The following GABRA2 variants were observed in gnomAD, a reference collection of about 807,000 sequenced individuals.
The protein encoded by GABRA2 is gamma-aminobutyric acid receptor subunit alpha-2.
In GABRA2, 16 loss-of-function variants were observed where a neutral mutation model predicts 48.7. The observed-to-expected ratio is 0.33, with a 90% CI of 0.22 to 0.50. The LOEUF is 0.50. Among genes scored for constraint, GABRA2 ranks in the 20% least tolerant of loss-of-function variants. The pLI is 0.98. For synonymous variants in GABRA2, 185 were observed against 184.5 expected, an observed-to-expected ratio of 1.00 and a Z score of -0.02; for missense variants, 275 against 535.6, an observed-to-expected ratio of 0.51 and a Z score of 4.80.
intron 2 of GABRA2, among the ~76,000 whole-genome samples, chr4:46,387,946 T>C (rs1397892699): frequency 6.6e-6 from 1 of 152,116 alleles, no homozygotes; most frequent in East Asian, 1.9e-4. Flanking sequence ...ATCAGGAAAG[T>C]CTACAAAATA....
rs1714197050 is a variant in GABRA2 at position 46,248,935 on chromosome 4, T to G, written c.*1373A>C. The stretch of plus-strand genomic sequence containing the variant: ...ACTTTTATTAGCATATTTCGGGGCA[T>G]AAATAATATTTTAAGATATTAAAAG... On this transcript the variant is annotated 3_prime_UTR_variant, in exon 10 of 10. Transcript: ENST00000381620. 1 of 151,452 alleles carries G rather than the reference T, an allele frequency of 6.6e-6. No individual in the cohort carries two copies. Among genetic ancestry groups the G allele is most frequent in the Non-Finnish European group, 1.5e-5 (1 of 67,686 alleles). 9.4% of individuals were successfully genotyped at this position (151,452 alleles called of 1,614,324 possible).
intron 8 of GABRA2, among the ~76,000 whole-genome samples, chr4:46,270,473 T>C (rs1719112131): frequency 6.6e-6 from 1 of 152,004 alleles, no homozygotes; most frequent in Admixed American, 6.6e-5. Context: ...TCTACACTAG[T>C]TGGGTACTCT....
intron 4 of GABRA2, among the ~76,000 whole-genome samples, chr4:46,324,979 C>A (rs949350406): frequency 1.5e-4 from 23 of 151,884 alleles, no homozygotes; most frequent in African/African-American, 5.6e-4. Flanking sequence ...CGATGGGCAT[C>A]TAGGTTGATT....
At chr4:46,377,609 G>A (rs1265732268) in intron 3 of GABRA2, among the ~76,000 whole-genome samples, 3 of 150,386 alleles carry the variant, frequency 2.0e-5, no homozygotes, top group South Asian at 2.1e-4. Context: ...GAGGTGGGGG[G>A]TCAGCCCCCC....
At chr4:46,314,644 C>T (rs958537073) in intron 4 of GABRA2, among the ~76,000 whole-genome samples, 1 of 152,042 alleles carries the variant, frequency 6.6e-6, no homozygotes, top group East Asian at 1.9e-4. Flanking sequence ...CCTCCCTCCC[C>T]GCTCTAGCAA....
At chr4:46,254,119 C>T (rs1715340872) in intron 9 of GABRA2, among the ~76,000 whole-genome samples, 1 of 151,360 alleles carries the variant, frequency 6.6e-6, no homozygotes, top group Admixed American at 6.6e-5. Context: ...CATACCCTAG[C>T]TAAATGATAT....
Position 46,243,651 on chromosome 4 carries a change from A to T in GABRA2, c.*6657T>A, listed in dbSNP as rs1028521519. ...ACAGCAAGCATGACATATTCAATAA[A>T]GGTCATATGATCAACTAGTGGCCTT... On this transcript the variant is annotated 3_prime_UTR_variant, in exon 10 of 10. Coordinates refer to ENST00000381620, the MANE Select transcript of GABRA2 (RefSeq NM_000807.4). The T allele has an allele frequency of 2.6e-5, 4 of 151,502 alleles. No homozygotes were observed. The highest frequency in any genetic ancestry group is 1.3e-4 in the Admixed American group (2 of 15,138). 9.4% of individuals were successfully genotyped at this position (151,502 alleles called of 1,614,324 possible).
At chr4:46,349,642 T>C (rs1024866722) in intron 3 of GABRA2, among the ~76,000 whole-genome samples, 2 of 151,978 alleles carry the variant, frequency 1.3e-5, no homozygotes, top group African/African-American at 2.4e-5. Context: ...CAGAGCCTTG[T>C]TGGCAATAGT....
chr4:46,293,065 A>C (rs2083423), intron 8 of GABRA2, among the ~76,000 whole-genome samples: 1 of 151,928 alleles, frequency 6.6e-6, no homozygotes, highest in East Asian at 1.9e-4. Context: ...TATCAGAATA[A>C]TCTGAATCGT....
At chr4:46,360,066 C>T (rs1387925374) in intron 3 of GABRA2, among the ~76,000 whole-genome samples, 1 of 152,146 alleles carries the variant, frequency 6.6e-6, no homozygotes. Flanking sequence ...TATATTAATT[C>T]CTCCTGGCTC....
At chr4:46,264,986 C>CATATATATATATTTTCCATATATAT (rs1717801735) in intron 8 of GABRA2, among the ~76,000 whole-genome samples, 1 of 107,470 alleles carries the variant, frequency 9.3e-6, no homozygotes, top group African/African-American at 3.1e-5. Flanking sequence ...TTACTTTATA[C>CATATATATATATTTTCCATATATAT]ATATATATAT....
At chr4:46,253,987 C>A (rs1424951198) in intron 9 of GABRA2, among the ~76,000 whole-genome samples, 2 of 151,456 alleles carry the variant, frequency 1.3e-5, no homozygotes, top group African/African-American at 4.8e-5. Flanking sequence ...CTGTTGAATT[C>A]ATAGCTGACT....
intron 3 of GABRA2, among the ~76,000 whole-genome samples, chr4:46,380,143 T>C (rs942802746): frequency 2.3e-4 from 35 of 152,238 alleles, no homozygotes; most frequent in African/African-American, 8.2e-4. Context: ...ATTTATATCA[T>C]ATAATGAGCT....
intron 3 of GABRA2, chr4:46,368,420 G>C (rs1238015643): frequency 6.6e-6 from 1 of 152,236 alleles, no homozygotes; most frequent in African/African-American, 2.4e-5. Context: ...AGTACTATGA[G>C]AGAAAGAAGA....
chr4:46,249,586 G>T lies in GABRA2; in HGVS notation c.*722C>A, dbSNP rs999043195. The stretch of plus-strand genomic sequence containing the variant: ...TTTTTTAATTAAGGTAGTTTCCAAT[G>T]ATTAAAATAAATTGTAGGATTTCAA... On this transcript the variant is annotated 3_prime_UTR_variant, in exon 10 of 10. Transcript: ENST00000381620. 6.6e-6 allele frequency: 1 copy of T among 151,076 alleles called. No homozygotes were observed. The highest frequency in any genetic ancestry group is 1.5e-5 in the Non-Finnish European group (1 of 67,576). The allele number at this position is 151,076 out of a possible 1,614,324, so 9.4% of individuals were successfully genotyped here.
At position 46,389,830 on chromosome 4, in the gene GABRA2, AGAGAGAGAG is replaced by A. The variant is rs1718002061; in HGVS notation, c.-115_-107del. 1.0e-6 allele frequency: 1 copy of A among 961,754 alleles called. No homozygotes were observed. Among genetic ancestry groups the A allele is most frequent in the East Asian group, 1.2e-4 (1 of 8,010 alleles). 59.6% of individuals were successfully genotyped at this position (961,754 alleles called of 1,614,324 possible). A position where few individuals can be genotyped will look rare whatever the true frequency, so the allele number is the denominator to read the frequency against. Reference sequence around the variant, plus strand: ...GAGAGAGAGAGAGAGAGAGAGAGAGAGAGAGAGAGAGAGAGAGAGAGAGAGAGAGAGACC... The same window carrying A: ...GAGAGAGAGAGAGAGAGAGAGAGAGAAGAGAGAGAGAGAGAGAGAGAGACC... On this transcript the variant is annotated 5_prime_UTR_variant, in exon 1 of 10. Transcript: ENST00000381620.
At chr4:46,322,566 T>C (rs1729637245) in intron 4 of GABRA2, among the ~76,000 whole-genome samples, 1 of 152,056 alleles carries the variant, frequency 6.6e-6, no homozygotes, top group Admixed American at 6.6e-5. Context: ...CACTAACCTC[T>C]GTTGATCAGT....
intron 4 of GABRA2, among the ~76,000 whole-genome samples, chr4:46,323,181 T>A (rs1039568754): frequency 6.6e-6 from 1 of 151,936 alleles, no homozygotes; most frequent in Non-Finnish European, 1.5e-5. Context: ...TCGCTATAAC[T>A]TTTTACGGGG....
intron 4 of GABRA2, among the ~76,000 whole-genome samples, chr4:46,321,791 C>T (rs998854468): frequency 6.6e-6 from 1 of 152,008 alleles, no homozygotes; most frequent in Non-Finnish European, 1.5e-5. Flanking sequence ...AAAGATCCTT[C>T]TCCCTCTCCC....
Sources: gnomAD v4.1 joint callset for allele counts (sites outside exome capture counted in the v4.1 genomes callset) on GRCh38, gnomAD v4.1.1 for gene constraint, MANE v1.5 for transcripts, NCBI Gene and HGNC (gene_info 2026-07-23, HGNC 2026-07-21) for gene names.